LMX1A: variants seen among roughly 807,000 people sequenced by gnomAD.
The protein encoded by LMX1A is LIM homeobox transcription factor 1-alpha.
LMX1A carries 15 observed loss-of-function variants against 49.1 expected under a neutral mutation model. That is an observed-to-expected ratio of 0.31 (90% CI 0.20 to 0.47). The LOEUF (loss-of-function observed/expected upper bound fraction) is 0.47, where lower values mean the gene tolerates loss of function less well. Among genes scored for constraint, LMX1A ranks in the 20% least tolerant of loss-of-function variants. The pLI is 1.00. For synonymous variants in LMX1A, 167 were observed against 185.7 expected (o/e 0.90, Z 0.82); for missense variants, 372 against 475.8 (o/e 0.78, Z 2.03).
intron 3 of LMX1A, among the ~76,000 whole-genome samples, chr1:165,325,522 GCCC>G (rs1466124082): frequency 6.6e-6 from 1 of 151,892 alleles, no homozygotes; most frequent in Non-Finnish European, 1.5e-5. Context: ...GCTATCCAGT[GCCC>G]CCAAGATGAG....
chr1:165,265,303 G>C (rs947914535), intron 3 of LMX1A, among the ~76,000 whole-genome samples: 2 of 152,036 alleles, frequency 1.3e-5, no homozygotes, highest in Non-Finnish European at 2.9e-5. Flanking sequence ...AAAATAGGAA[G>C]TTGCAGACCT....
chr1:165,281,645 G>C (rs1197345720), intron 3 of LMX1A, among the ~76,000 whole-genome samples: 1 of 152,136 alleles, frequency 6.6e-6, no homozygotes, highest in Non-Finnish European at 1.5e-5. Flanking sequence ...ACTGTATGCA[G>C]GAGATCAATG....
chr1:165,291,834 C>T (rs144099105), intron 3 of LMX1A, among the ~76,000 whole-genome samples: 20,877 of 151,964 alleles, frequency 0.14, 1,866 homozygotes, highest in Non-Finnish European at 0.2. Context: ...GAGGCCGAGA[C>T]GGGCGGATCA....
rs1367438093 is a variant in LMX1A, at chr1:165,280,283, C to T, written c.264-30643G>A. Among the ~76,000 whole-genome samples the T allele has an allele frequency of 2.0e-5, 3 of 152,118 alleles. No individual in the cohort carries two copies. The East Asian group carries it at 5.8e-4, about 29-fold the overall frequency. ...AGATTCTGCCAATCAGAATTCCTCA[C>T]CTCGGACTCAGGGAGGCTTAGCAAC... is the stretch of plus-strand genomic sequence containing the variant. On this transcript the variant is annotated intron_variant, in intron 3 of 8. Transcript: ENST00000342310.
chr1:165,317,573 T>C (rs924926751), intron 3 of LMX1A, among the ~76,000 whole-genome samples: 2 of 152,234 alleles, frequency 1.3e-5, no homozygotes, highest in Non-Finnish European at 2.9e-5. Context: ...TGGGAACCAC[T>C]GGGACACAGG....
chr1:165,287,019 C>T (rs754606926), intron 3 of LMX1A, among the ~76,000 whole-genome samples: 13 of 152,062 alleles, frequency 8.5e-5, no homozygotes, highest in Non-Finnish European at 1.5e-4. Flanking sequence ...GGGGTAAATA[C>T]AATGGGAATT....
At chr1:165,214,845 C>T (rs1418267476) in intron 4 of LMX1A, among the ~76,000 whole-genome samples, 2 of 152,176 alleles carry the variant, frequency 1.3e-5, no homozygotes, top group Admixed American at 6.5e-5. Flanking sequence ...AATACTTCAA[C>T]TCTATAAGCA....
chr1:165,231,911 A>G (rs1163130784), intron 4 of LMX1A, among the ~76,000 whole-genome samples: 1 of 152,248 alleles, frequency 6.6e-6, no homozygotes, highest in East Asian at 1.9e-4. Context: ...GAATTCGCCT[A>G]TACAGACTAT....
intron 3 of LMX1A, among the ~76,000 whole-genome samples, chr1:165,351,761 T>C (rs1656436131): frequency 1.3e-5 from 2 of 152,256 alleles, no homozygotes; most frequent in Admixed American, 1.3e-4. Context: ...AATCACTTTG[T>C]CAAGTTTTTA....
At chr1:165,253,613 T>G (rs1394063715) in intron 3 of LMX1A, among the ~76,000 whole-genome samples, 3 of 152,210 alleles carry the variant, frequency 2.0e-5, no homozygotes, top group African/African-American at 7.2e-5. Context: ...TGGAAGTGCT[T>G]GTGCTGTGTT....
At chr1:165,288,635 A>G (rs1012439181) in intron 3 of LMX1A, among the ~76,000 whole-genome samples, 2 of 152,166 alleles carry the variant, frequency 1.3e-5, no homozygotes, top group Non-Finnish European at 2.9e-5. Context: ...CTTTATTACA[A>G]CAGAAAATGT....
intron 3 of LMX1A, among the ~76,000 whole-genome samples, chr1:165,320,211 A>G (rs1655344718): frequency 6.6e-6 from 1 of 152,194 alleles, no homozygotes; most frequent in Non-Finnish European, 1.5e-5. Context: ...TTAAGTTAAC[A>G]GGCAGTACTA....
chr1:165,337,182 A>G (rs1344269156), intron 3 of LMX1A, among the ~76,000 whole-genome samples: 12 of 152,236 alleles, frequency 7.9e-5, no homozygotes, highest in Admixed American at 7.9e-4. Flanking sequence ...GACAAAATAA[A>G]TGAATGAATT....
intron 3 of LMX1A, among the ~76,000 whole-genome samples, chr1:165,317,502 C>G (rs977934639): frequency 6.6e-6 from 1 of 152,034 alleles, no homozygotes; most frequent in Non-Finnish European, 1.5e-5. Flanking sequence ...GCATGCACAC[C>G]AAGGCATTTC....
At chr1:165,318,475 T>G (rs534348412) in intron 3 of LMX1A, among the ~76,000 whole-genome samples, 2 of 151,922 alleles carry the variant, frequency 1.3e-5, no homozygotes, top group South Asian at 4.2e-4. Context: ...TTATATAATT[T>G]TTTTTTCTCT....
chr1:165,290,527 C>T (rs1654438895), intron 3 of LMX1A, among the ~76,000 whole-genome samples: 1 of 152,084 alleles, frequency 6.6e-6, no homozygotes, highest in Non-Finnish European at 1.5e-5. Context: ...CCCAGACAAA[C>T]CAGGATTACG....
At chr1:165,249,861 G>A (rs1280104419) in intron 3 of LMX1A, among the ~76,000 whole-genome samples, 3 of 152,298 alleles carry the variant, frequency 2.0e-5, no homozygotes, top group East Asian at 3.9e-4. Context: ...CTGGATAAAG[G>A]AAATGTGGTA....
intron 3 of LMX1A, among the ~76,000 whole-genome samples, chr1:165,308,568 C>T (rs1208476655): frequency 2.0e-5 from 3 of 152,164 alleles, no homozygotes; most frequent in East Asian, 1.9e-4. Context: ...CTTGGTGATT[C>T]GCACTTTCTC....
chr1:165,327,351 C>A (rs1557886200), intron 3 of LMX1A, among the ~76,000 whole-genome samples: 1 of 152,344 alleles, frequency 6.6e-6, no homozygotes, highest in East Asian at 1.9e-4. Flanking sequence ...AGCCATGTTT[C>A]AAAGGACTAC....
Sources: allele counts gnomAD v4.1 joint callset (sites outside exome capture counted in the v4.1 genomes callset), GRCh38; gene constraint gnomAD v4.1.1; transcripts MANE v1.5; gene names NCBI Gene and HGNC (gene_info 2026-07-23, HGNC 2026-07-21).